Variants in PTPRT observed in about 807,000 individuals in gnomAD.
PTPRT encodes protein tyrosine phosphatase receptor type T.
PTPRT carries 56 observed loss-of-function variants against 176.8 expected under a neutral mutation model. The ratio of observed to expected loss-of-function variants is 0.32; its 90% CI spans 0.26 to 0.40. The LOEUF is 0.40. Ranked by LOEUF, PTPRT falls within the 10% of genes least tolerant of loss-of-function variation. The pLI is 1.00. For missense variants in PTPRT, 1,540 were observed against 1,908.2 expected, an observed-to-expected ratio of 0.81 and a Z score of 3.60; for synonymous variants, 783 against 739.0, an observed-to-expected ratio of 1.06 and a Z score of -0.96.
At chr20:42,538,332 T>C (rs994182234) in intron 7 of PTPRT, among the ~76,000 whole-genome samples, 3 of 152,062 alleles carry the variant, frequency 2.0e-5, no homozygotes, top group Non-Finnish European at 2.9e-5. Flanking sequence ...AACATACTAA[T>C]AGAGTATCAG....
chr20:42,048,553 G>A, the PTPRT span, among the ~76,000 whole-genome samples: 1 of 152,134 alleles, frequency 6.6e-6, no homozygotes, highest in Non-Finnish European at 1.5e-5. Context: ...CAGGACACAT[G>A]GAGAGTCTGC....
intron 2 of PTPRT, among the ~76,000 whole-genome samples, chr20:42,847,899 T>C (rs532055981): frequency 3.9e-4 from 60 of 152,332 alleles, no homozygotes; most frequent in African/African-American, 1.4e-3. Flanking sequence ...CTAAGTTATA[T>C]AGTGGTGATT....
chr20:42,611,413 G>T (rs1160530421), intron 7 of PTPRT, among the ~76,000 whole-genome samples: 1 of 152,166 alleles, frequency 6.6e-6, no homozygotes, highest in Non-Finnish European at 1.5e-5. Context: ...TCAGAACGCT[G>T]CCATAAGGGC....
intron 13 of PTPRT, among the ~76,000 whole-genome samples, chr20:42,269,100 G>A (rs1450489478): frequency 4.6e-5 from 7 of 151,908 alleles, no homozygotes; most frequent in African/African-American, 1.4e-4. Context: ...TTTACCCAGG[G>A]CTCAGGTAGA....
At chr20:42,704,160 TCTA>T (rs987209853) in intron 6 of PTPRT, among the ~76,000 whole-genome samples, 26 of 152,196 alleles carry the variant, frequency 1.7e-4, no homozygotes, top group African/African-American at 5.5e-4. Context: ...TTAATCTTGC[TCTA>T]CTATTATCCC....
At chr20:42,354,217 C>A (rs1894592) in intron 9 of PTPRT, among the ~76,000 whole-genome samples, 1 of 152,086 alleles carries the variant, frequency 6.6e-6, no homozygotes, top group African/African-American at 2.4e-5. Flanking sequence ...CTTGCCTACC[C>A]CCATCAGGGA....
At position 42,767,711 on chromosome 20, in the gene PTPRT, AT is replaced by A. The variant is rs1481690693; in HGVS notation, c.684+3723del. Among the ~76,000 whole-genome samples the A allele has an allele frequency of 3.4e-5, 5 of 146,434 alleles. No homozygotes were observed. In the Admixed American group the frequency reaches 3.4e-4, roughly 10 times the overall value. Reference sequence around the variant, plus strand: ...TATATTTAATAAATTTTTATAATATATATTTTATAAAATATATATTTTCTTT... The same window carrying A: ...TATATTTAATAAATTTTTATAATATAATTTTATAAAATATATATTTTCTTT... On this transcript the variant is annotated intron_variant, in intron 5 of 30. Transcript: ENST00000373187.
chr20:42,854,230 G>A (rs999330214), intron 2 of PTPRT, among the ~76,000 whole-genome samples: 27 of 152,028 alleles, frequency 1.8e-4, no homozygotes, highest in African/African-American at 6.3e-4. Flanking sequence ...TCGTTCATTT[G>A]GCAAATACTT....
chr20:42,283,098 T>C (rs1467043955), intron 12 of PTPRT, among the ~76,000 whole-genome samples: 1 of 152,166 alleles, frequency 6.6e-6, no homozygotes, highest in Non-Finnish European at 1.5e-5. Flanking sequence ...TGTGTGGCAA[T>C]AGAATCTTTG....
At chr20:42,438,206 A>G (rs554308360) in intron 9 of PTPRT, among the ~76,000 whole-genome samples, 4 of 152,092 alleles carry the variant, frequency 2.6e-5, no homozygotes, top group Non-Finnish European at 4.4e-5. Flanking sequence ...TGCAGAACTC[A>G]CTCTTCATTT....
intron 9 of PTPRT, among the ~76,000 whole-genome samples, chr20:42,434,610 C>A (rs536622978): frequency 1.3e-5 from 2 of 150,814 alleles, no homozygotes; most frequent in Non-Finnish European, 2.9e-5. Flanking sequence ...ACTCTACCTA[C>A]GCCTTCAAAG....
intron 15 of PTPRT, among the ~76,000 whole-genome samples, chr20:42,229,855 A>ATT (rs11480570): frequency 1.3e-5 from 2 of 151,158 alleles, no homozygotes; most frequent in African/African-American, 4.9e-5. Context: ...AAATGATGTC[A>ATT]TTTTTTTTTC....
At chr20:42,236,118 T>A in intron 15 of PTPRT, 111 bp downstream of exon 15, 1 of 946,134 alleles carries the variant, frequency 1.1e-6, no homozygotes. Context: ...ACAGACAACT[T>A]AGACAGAAGT....
intron 1 of PTPRT, among the ~76,000 whole-genome samples, chr20:43,105,127 G>A (rs1451019404): frequency 6.6e-6 from 1 of 152,070 alleles, no homozygotes; most frequent in East Asian, 1.9e-4. Flanking sequence ...CAAGGTCATG[G>A]GTAAAGAGCG....
intron 1 of PTPRT, among the ~76,000 whole-genome samples, chr20:42,980,871 T>C (rs2146085615): frequency 6.6e-6 from 1 of 152,346 alleles, no homozygotes; most frequent in Non-Finnish European, 1.5e-5. Flanking sequence ...GTAATGTCTT[T>C]CTCAAGGACC....
chr20:42,328,907 T>C (rs551716409), intron 11 of PTPRT, among the ~76,000 whole-genome samples: 7 of 152,212 alleles, frequency 4.6e-5, no homozygotes, highest in Non-Finnish European at 1.0e-4. Context: ...TAAACCAAGA[T>C]AATAAAACTT....
rs577057402 is a variant in PTPRT, at chr20:42,285,900, C to G, written c.2140-3375G>C. Among the ~76,000 whole-genome samples the G allele has an allele frequency of 4.0e-5, 6 of 151,838 alleles. No individual in the cohort carries two copies. In the South Asian group the frequency reaches 1.3e-3, roughly 32 times the overall value. ...AATGTTTCTATACATGAATAAACTA[C>G]CTAAAAAATACAAAAATCAGTACTG... On this transcript the variant is annotated intron_variant, in intron 12 of 30. Coordinates refer to ENST00000373187, the MANE Select transcript of PTPRT (RefSeq NM_007050.6).
intron 17 of PTPRT, among the ~76,000 whole-genome samples, chr20:42,156,403 C>T (rs1213043545): frequency 6.6e-6 from 1 of 152,204 alleles, no homozygotes; most frequent in African/African-American, 2.4e-5. Context: ...GGTCCTAGGT[C>T]CTTGTCTCTG....
At chr20:42,861,702 C>A (rs1322787565) in intron 2 of PTPRT, among the ~76,000 whole-genome samples, 4 of 151,526 alleles carry the variant, frequency 2.6e-5, no homozygotes, top group African/African-American at 7.3e-5. Flanking sequence ...CAAAACAAAA[C>A]AAAACAAAAA....
Sources: allele counts gnomAD v4.1 joint callset (sites outside exome capture counted in the v4.1 genomes callset), GRCh38; gene constraint gnomAD v4.1.1; transcripts MANE v1.5; gene names NCBI Gene and HGNC (gene_info 2026-07-23, HGNC 2026-07-21).